The following RHBDL3 variants were observed in gnomAD, a reference collection of about 807,000 sequenced individuals.
RHBDL3 encodes the protein rhomboid-related protein 3.
A neutral mutation model predicts 48.2 loss-of-function variants in RHBDL3; 28 were observed. That is an observed-to-expected ratio of 0.58 (90% confidence interval 0.43 to 0.80). The LOEUF is 0.80. Ranked by LOEUF, RHBDL3 falls within the 30% of genes least tolerant of loss-of-function variation. RHBDL3 has a pLI of 0.00. For missense variants in RHBDL3, 464 were observed against 542.7 expected, an observed-to-expected ratio of 0.85 and a Z score of 1.44; for synonymous variants, 208 against 232.3, an observed-to-expected ratio of 0.90 and a Z score of 0.95.
At chr17:32,319,830 A>G (rs2041077129) in intron 8 of RHBDL3, among the ~76,000 whole-genome samples, 1 of 152,214 alleles carries the variant, frequency 6.6e-6, no homozygotes, top group Non-Finnish European at 1.5e-5. Flanking sequence ...TCTCATCTGT[A>G]AAATGGGAAT....
intron 4 of RHBDL3, among the ~76,000 whole-genome samples, chr17:32,291,802 C>T (rs1165079744): frequency 6.8e-6 from 1 of 146,600 alleles, no homozygotes; most frequent in Non-Finnish European, 1.5e-5. Flanking sequence ...GACAGAGTCT[C>T]CCTCTGTCAC....
At chr17:32,279,680 A>T (rs2039996007) in intron 2 of RHBDL3, among the ~76,000 whole-genome samples, 1 of 151,666 alleles carries the variant, frequency 6.6e-6, no homozygotes, top group South Asian at 2.1e-4. Flanking sequence ...CTCATTTTCT[A>T]CCCCCCGTTT....
chr17:32,266,240 G>A lies in RHBDL3; in HGVS notation c.51G>A (p.Ala17=), dbSNP rs2039624410. ...PGPAVAACAE[A]ERIEELEPEA... ...CCGCGGTGGCCGCCTGCGCCGAGGC[G>A]GAGCGCATCGAGGAGCTGGAACCCG... is the stretch of plus-strand genomic sequence containing the variant. Residue 17 remains alanine (A), a synonymous_variant, in exon 1 of 9, where the codon GCG becomes GCA. Transcript: ENST00000269051. 2 of 1,454,368 alleles carry A rather than the reference G, an allele frequency of 1.4e-6. No individual in the cohort carries two copies. Among genetic ancestry groups the A allele is most frequent in the African/African-American group, 3.0e-5 (2 of 67,730 alleles). The allele number at this position is 1,454,368 out of a possible 1,614,324, so 90.1% of individuals were successfully genotyped here.
intron 6 of RHBDL3, among the ~76,000 whole-genome samples, chr17:32,304,510 G>A (rs1202771034): frequency 2.0e-5 from 3 of 152,180 alleles, no homozygotes; most frequent in African/African-American, 7.2e-5. Context: ...GGAGACTCTG[G>A]GCTTAGTCTC....
chr17:32,286,601 A>T (rs907935242), intron 3 of RHBDL3, among the ~76,000 whole-genome samples: 2 of 152,174 alleles, frequency 1.3e-5, no homozygotes, highest in African/African-American at 4.8e-5. Context: ...AATATTTTTG[A>T]TGTCTCTTAA....
At chr17:32,272,436 G>C (rs977905924) in intron 2 of RHBDL3, among the ~76,000 whole-genome samples, 5 of 152,232 alleles carry the variant, frequency 3.3e-5, no homozygotes, top group African/African-American at 1.2e-4. Flanking sequence ...GCAAGGAGCT[G>C]CAGAGAAAAC....
chr17:32,282,537 G>A (rs541436352), intron 2 of RHBDL3, among the ~76,000 whole-genome samples: 1 of 152,176 alleles, frequency 6.6e-6, no homozygotes, highest in Admixed American at 6.6e-5. Flanking sequence ...CTTCACCCCA[G>A]CCTGGGTGAC....
intron 7 of RHBDL3, among the ~76,000 whole-genome samples, chr17:32,313,084 G>A (rs148398542): frequency 0.012 from 1,869 of 151,468 alleles, 15 homozygotes; most frequent in Middle Eastern, 0.02. Flanking sequence ...GATTACAGGC[G>A]TGAGCACCTA....
intron 5 of RHBDL3, among the ~76,000 whole-genome samples, chr17:32,295,202 G>T (rs2040420281): frequency 6.6e-6 from 1 of 152,194 alleles, no homozygotes. Flanking sequence ...TGGGAAGGGG[G>T]TCACTCTGGC....
At chr17:32,316,008 A>T (rs2040964458) in intron 7 of RHBDL3, among the ~76,000 whole-genome samples, 1 of 151,952 alleles carries the variant, frequency 6.6e-6, no homozygotes, top group Admixed American at 6.6e-5. Flanking sequence ...CTAGATCTGG[A>T]GTCCCTTCCT....
rs147595297 is a variant in RHBDL3, at chr17:32,286,191, G to A, written c.294+1374G>A. 5.2e-3 allele frequency among the ~76,000 whole-genome samples: 790 copies of A among 152,318 alleles called. 11 individuals carry two copies. The highest frequency in any genetic ancestry group is 0.018 in the African/African-American group (738 of 41,574). Reference sequence around the variant, plus strand: ...AGGCTCATCCACAGCCACAGCCCCAGCACCTGTGTGTTTGCTGCAAGATGC... The same window carrying A: ...AGGCTCATCCACAGCCACAGCCCCAACACCTGTGTGTTTGCTGCAAGATGC... On this transcript the variant is annotated intron_variant, in intron 3 of 8. Transcript: ENST00000269051.
intron 5 of RHBDL3, among the ~76,000 whole-genome samples, chr17:32,295,362 G>A (rs185856125): frequency 6.6e-6 from 1 of 152,234 alleles, no homozygotes; most frequent in Non-Finnish European, 1.5e-5. Flanking sequence ...GGGTGCTTTC[G>A]GGTGAAGAGA....
At chr17:32,278,168 G>A (rs1184938543) in intron 2 of RHBDL3, among the ~76,000 whole-genome samples, 1 of 152,086 alleles carries the variant, frequency 6.6e-6, no homozygotes, top group Non-Finnish European at 1.5e-5. Context: ...GTGTGGTGGT[G>A]GGTGCTGTAG....
intron 2 of RHBDL3, among the ~76,000 whole-genome samples, chr17:32,283,266 G>A (rs1448552945): frequency 6.6e-6 from 1 of 150,534 alleles, no homozygotes; most frequent in African/African-American, 2.4e-5. Flanking sequence ...GAAAGGGATA[G>A]AAATGATAAG....
At chr17:32,276,852 CCTTACTCCGGCCCT>C (rs1449277054) in intron 2 of RHBDL3, among the ~76,000 whole-genome samples, 3,950 of 102,570 alleles carry the variant, frequency 0.039, 1,318 homozygotes, top group African/African-American at 0.18. Context: ...GGCCCTAGCA[CCTTACTCCGGCCCT>C]AGCACAGTAC....
intron 5 of RHBDL3, among the ~76,000 whole-genome samples, chr17:32,296,352 T>TC (rs2040448768): frequency 6.9e-6 from 1 of 143,956 alleles, no homozygotes; most frequent in African/African-American, 2.6e-5. Context: ...TTTTTTTTTT[T>TC]TGAGATGGAG....
chr17:32,293,669 T>C (rs1281426922), intron 4 of RHBDL3, among the ~76,000 whole-genome samples: 1 of 152,156 alleles, frequency 6.6e-6, no homozygotes, highest in Non-Finnish European at 1.5e-5. Flanking sequence ...TATGTGGAAT[T>C]CGTCATCTCC....
chr17:32,298,435 G>C (rs982996940), intron 6 of RHBDL3, among the ~76,000 whole-genome samples: 2 of 152,238 alleles, frequency 1.3e-5, no homozygotes, highest in Non-Finnish European at 2.9e-5. Flanking sequence ...GAGAGCACTG[G>C]ATTTGGGACA....
chr17:32,301,707 G>C (rs2150735595), intron 6 of RHBDL3, among the ~76,000 whole-genome samples: 1 of 152,122 alleles, frequency 6.6e-6, no homozygotes, highest in Non-Finnish European at 1.5e-5. Flanking sequence ...TGTAATCCCA[G>C]CTACTCAGGA....
Sources: gnomAD v4.1 joint callset for allele counts (sites outside exome capture counted in the v4.1 genomes callset) on GRCh38, gnomAD v4.1.1 for gene constraint, MANE v1.5 for transcripts, NCBI Gene and HGNC (gene_info 2026-07-23, HGNC 2026-07-21) for gene names.